COL11A1: variants seen among roughly 807,000 people sequenced by gnomAD.
The protein encoded by COL11A1 is collagen alpha-1(XI) chain.
In COL11A1, 74 loss-of-function variants were observed where a neutral mutation model predicts 265.2. The observed-to-expected ratio is 0.28, with a 90% confidence interval of 0.23 to 0.34. COL11A1 has a LOEUF of 0.34. Among genes scored for constraint, COL11A1 ranks in the 10% least tolerant of loss-of-function variants. COL11A1 has a pLI of 1.00. For missense variants in COL11A1, 2,165 were observed against 2,263.6 expected (o/e 0.96, Z 0.88); for synonymous variants, 816 against 727.6 (o/e 1.12, Z -1.96).
chr1:102,941,641 T>G (rs1429450169), intron 42 of COL11A1, among the ~76,000 whole-genome samples: 1 of 152,208 alleles, frequency 6.6e-6, no homozygotes, highest in East Asian at 1.9e-4. Context: ...AATGCCCCTA[T>G]GAGAACTCTT....
intron 41 of COL11A1, among the ~76,000 whole-genome samples, chr1:102,958,895 G>A (rs1660623113): frequency 6.6e-6 from 1 of 152,122 alleles, no homozygotes; most frequent in African/African-American, 2.4e-5. Flanking sequence ...AGGCATGGAA[G>A]GCGTCACCAA....
At chr1:102,914,131 T>C (rs1356146103) in intron 52 of COL11A1, among the ~76,000 whole-genome samples, 1 of 152,238 alleles carries the variant, frequency 6.6e-6, no homozygotes. Flanking sequence ...CTAATCCAAT[T>C]GTTGTACCTA....
chr1:102,926,235 G>C (rs529224022), intron 46 of COL11A1, among the ~76,000 whole-genome samples: 2 of 152,068 alleles, frequency 1.3e-5, no homozygotes, highest in South Asian at 4.1e-4. Flanking sequence ...CTCATGAAAT[G>C]TCCTACCTTT....
chr1:102,921,103 C>T (rs541169216), intron 48 of COL11A1, among the ~76,000 whole-genome samples: 30 of 152,236 alleles, frequency 2.0e-4, no homozygotes, highest in South Asian at 1.5e-3. Context: ...GCACCTATCA[C>T]GCACATATTG....
rs199519627 is a variant in COL11A1, at chr1:102,939,013, C to T, written c.3438+22G>A. 201 of 1,607,666 alleles carry T rather than the reference C, an allele frequency of 1.3e-4. 2 individuals carry two copies. The South Asian group carries it at 2.0e-3, about 16-fold the overall frequency. ...AGTTGTTAAATAAATAATGTTCTCT[C>T]AGTAAGAAGTAGGAAACTCACATTT... On this transcript the variant is annotated intron_variant, in intron 44 of 66. Coordinates refer to ENST00000370096, the MANE Select transcript of COL11A1 (RefSeq NM_001854.4).
intron 31 of COL11A1, among the ~76,000 whole-genome samples, chr1:102,980,928 G>A (rs2101692728): frequency 6.6e-6 from 1 of 152,214 alleles, no homozygotes; most frequent in Non-Finnish European, 1.5e-5. Flanking sequence ...ATAGCCAGGT[G>A]TAGAGTATTA....
intron 14 of COL11A1, among the ~76,000 whole-genome samples, chr1:103,012,094 A>G (rs1345603333): frequency 6.6e-6 from 1 of 152,218 alleles, no homozygotes. Flanking sequence ...AGGCTCAAGG[A>G]TTTAATGTAA....
At chr1:103,052,826 G>T (rs1392835608) in intron 4 of COL11A1, among the ~76,000 whole-genome samples, 1 of 152,070 alleles carries the variant, frequency 6.6e-6, no homozygotes, top group East Asian at 1.9e-4. Context: ...GTTGCTCCTG[G>T]AATGGTAAAG....
intron 66 of COL11A1, among the ~76,000 whole-genome samples, 176 bp from the exon 67 acceptor site, chr1:102,878,341 T>TA (rs1313792352): frequency 1.3e-5 from 2 of 151,004 alleles, no homozygotes; most frequent in African/African-American, 4.9e-5. Flanking sequence ...AAATTTTGAA[T>TA]ATTGATTAGT....
intron 58 of COL11A1, among the ~76,000 whole-genome samples, chr1:102,889,945 T>C (rs1238657815): frequency 6.6e-6 from 1 of 152,152 alleles, no homozygotes; most frequent in Admixed American, 6.6e-5. Context: ...AAATAATTTC[T>C]ACTCTTCAGA....
chr1:102,952,618 T>C (rs976576446), intron 41 of COL11A1, among the ~76,000 whole-genome samples: 1 of 152,238 alleles, frequency 6.6e-6, no homozygotes. Flanking sequence ...ACTTTTGGAA[T>C]GTATATCCAT....
chr1:102,916,401 C>T (rs1241167), intron 49 of COL11A1, among the ~76,000 whole-genome samples: 12,230 of 152,078 alleles, frequency 0.08, 1,075 homozygotes, highest in African/African-American at 0.21. Flanking sequence ...AATATAACAT[C>T]TTGTTCAAGT....
At chr1:102,999,589 T>C (rs987969987) in intron 24 of COL11A1, among the ~76,000 whole-genome samples, 3 of 151,716 alleles carry the variant, frequency 2.0e-5, no homozygotes, top group Non-Finnish European at 4.4e-5. Flanking sequence ...GTCAGAAAAA[T>C]ATAATATATT....
At chr1:102,894,823 T>C (rs1185559421) in intron 57 of COL11A1, among the ~76,000 whole-genome samples, 1 of 152,154 alleles carries the variant, frequency 6.6e-6, no homozygotes, top group East Asian at 1.9e-4. Context: ...TCACCCAGGC[T>C]GGAGTGCAAT....
At chr1:102,976,589 G>A (rs1214984568) in intron 35 of COL11A1, among the ~76,000 whole-genome samples, 9 of 151,930 alleles carry the variant, frequency 5.9e-5, no homozygotes, top group Admixed American at 3.9e-4. Flanking sequence ...GTGAGCCATC[G>A]CGCCTGGCTG....
At chr1:103,045,770 A>AC (rs1669204480) in intron 4 of COL11A1, among the ~76,000 whole-genome samples, 4 of 138,698 alleles carry the variant, frequency 2.9e-5, no homozygotes, top group East Asian at 4.2e-4. Flanking sequence ...CCTCCCCCCT[A>AC]CCCCCACCCC....
intron 2 of COL11A1, among the ~76,000 whole-genome samples, chr1:103,079,295 G>A (rs556822679): frequency 2.6e-5 from 4 of 152,082 alleles, no homozygotes; most frequent in South Asian, 4.2e-4. Context: ...ATTTACAAAC[G>A]TATTCTTTCT....
intron 28 of COL11A1, among the ~76,000 whole-genome samples, chr1:102,989,910 G>C (rs1182676642): frequency 6.6e-6 from 1 of 152,082 alleles, no homozygotes; most frequent in Non-Finnish European, 1.5e-5. Flanking sequence ...ATTTAGCCAG[G>C]TGTGGTGGTT....
chr1:103,071,614 T>G (rs1671595656), intron 4 of COL11A1, among the ~76,000 whole-genome samples: 2 of 150,990 alleles, frequency 1.3e-5, no homozygotes, highest in Non-Finnish European at 3.0e-5. Flanking sequence ...ATTTGTAAAA[T>G]TGCAGTAGGC....
Sources: gnomAD v4.1 joint callset for allele counts (sites outside exome capture counted in the v4.1 genomes callset) on GRCh38, gnomAD v4.1.1 for gene constraint, MANE v1.5 for transcripts, NCBI Gene and HGNC (gene_info 2026-07-23, HGNC 2026-07-21) for gene names.